The following PTPRD variants were observed in gnomAD, a reference collection of about 807,000 sequenced individuals.
PTPRD encodes the protein receptor-type tyrosine-protein phosphatase delta.
In PTPRD, 34 loss-of-function variants were observed where a neutral mutation model predicts 214.5. The observed-to-expected ratio is 0.16, with a 90% CI of 0.12 to 0.21. PTPRD has a LOEUF of 0.21. PTPRD is among the 10% of genes least tolerant of loss of function. The pLI is 1.00. For synonymous variants in PTPRD, 1,128 were observed against 845.7 expected, an observed-to-expected ratio of 1.33 and a Z score of -5.79; for missense variants, 2,545 against 2,398.7, an observed-to-expected ratio of 1.06 and a Z score of -1.27.
At chr9:8,509,775 T>C (rs191773054) in intron 21 of PTPRD, among the ~76,000 whole-genome samples, 1 of 152,340 alleles carries the variant, frequency 6.6e-6, no homozygotes, top group East Asian at 1.9e-4. Flanking sequence ...TGCTTGTTTC[T>C]ATTAAGAGCC....
chr9:9,745,396 C>A (rs557971251), intron 6 of PTPRD, among the ~76,000 whole-genome samples: 8 of 152,040 alleles, frequency 5.3e-5, no homozygotes, highest in Non-Finnish European at 1.2e-4. Flanking sequence ...ACCAGAGAGG[C>A]AAGTAGCACA....
chr9:8,933,031 T>A (rs1380830925), intron 11 of PTPRD, among the ~76,000 whole-genome samples: 2 of 152,042 alleles, frequency 1.3e-5, no homozygotes, highest in Non-Finnish European at 1.5e-5. Flanking sequence ...GTCTACAGGT[T>A]GCGAAGACCA....
At chr9:9,331,413 T>C (rs2042269704) in intron 9 of PTPRD, among the ~76,000 whole-genome samples, 1 of 152,228 alleles carries the variant, frequency 6.6e-6, no homozygotes, top group South Asian at 2.1e-4. Flanking sequence ...GGCAGGACTA[T>C]GCATAGAGAG....
At chr9:9,536,668 T>C (rs554804564) in intron 8 of PTPRD, among the ~76,000 whole-genome samples, 18 of 152,118 alleles carry the variant, frequency 1.2e-4, no homozygotes, top group African/African-American at 3.6e-4. Flanking sequence ...TGGCATTCTA[T>C]TTTAGTCTAA....
rs1292159525 is a variant in PTPRD at position 9,715,112 on chromosome 9, G to T, written c.-287+19421C>A. Among the ~76,000 whole-genome samples the T allele has an allele frequency of 2.0e-5, 3 of 152,142 alleles. 1 individual carries two copies. The highest frequency in any genetic ancestry group is 2.9e-5 in the Non-Finnish European group (2 of 68,016). On this transcript the variant is annotated intron_variant, in intron 7 of 45. Transcript: ENST00000381196. ...TGGATCCTCGTCCAAATAACTTTGT[G>T]ACTTTGGGCAAATTACTTTATGTCA...
At chr9:8,967,677 T>C (rs2099206529) in intron 11 of PTPRD, among the ~76,000 whole-genome samples, 1 of 152,036 alleles carries the variant, frequency 6.6e-6, no homozygotes, top group South Asian at 2.1e-4. Flanking sequence ...ATGCAAAAAA[T>C]AAAACTGAAT....
At chr9:10,310,127 T>C (rs1389147556) in intron 3 of PTPRD, among the ~76,000 whole-genome samples, 1 of 152,056 alleles carries the variant, frequency 6.6e-6, no homozygotes, top group Non-Finnish European at 1.5e-5. Flanking sequence ...GAAGCCTTTA[T>C]GGAGACTTAA....
chr9:9,462,948 T>A (rs1169179464), intron 8 of PTPRD, among the ~76,000 whole-genome samples: 1 of 152,166 alleles, frequency 6.6e-6, no homozygotes, highest in Non-Finnish European at 1.5e-5. Flanking sequence ...TTGTATAGTT[T>A]AAGGAATTTA....
At chr9:9,561,068 A>G (rs1183646871) in intron 8 of PTPRD, among the ~76,000 whole-genome samples, 4 of 152,196 alleles carry the variant, frequency 2.6e-5, no homozygotes, top group Non-Finnish European at 4.4e-5. Flanking sequence ...AAGCCTGTAC[A>G]GCATTAGCAG....
At chr9:10,431,630 T>C (rs2098679929) in intron 2 of PTPRD, among the ~76,000 whole-genome samples, 2 of 151,942 alleles carry the variant, frequency 1.3e-5, no homozygotes, top group Non-Finnish European at 2.9e-5. Context: ...GCGAAGGACA[T>C]GAACAGACAC....
intron 2 of PTPRD, among the ~76,000 whole-genome samples, chr9:10,542,149 C>G (rs2059251178): frequency 6.6e-6 from 1 of 152,072 alleles, no homozygotes; most frequent in Admixed American, 6.6e-5. Context: ...TAATCAAAAT[C>G]TACTTGCAGT....
rs190816415 is a variant in PTPRD, at chr9:8,570,651, C to T, written c.353-41872G>A. Among the ~76,000 whole-genome samples the T allele has an allele frequency of 5.8e-4, 88 of 152,178 alleles. 1 individual carries two copies. The highest frequency in any genetic ancestry group is 3.9e-3 in the Admixed American group (59 of 15,278). ...GGCTATTTGTCAAAACTTACTTCATCATTTACAGTCTCAGAGTTCTTTTCC... is the reference window on the plus strand; with the variant it reads ...GGCTATTTGTCAAAACTTACTTCATTATTTACAGTCTCAGAGTTCTTTTCC... On this transcript the variant is annotated intron_variant, in intron 14 of 45. Coordinates refer to ENST00000381196, the MANE Select transcript of PTPRD (RefSeq NM_002839.4).
At chr9:9,898,160 A>G (rs1816172391) in intron 5 of PTPRD, among the ~76,000 whole-genome samples, 1 of 152,126 alleles carries the variant, frequency 6.6e-6, no homozygotes, top group Non-Finnish European at 1.5e-5. Flanking sequence ...AGTTTTAAAT[A>G]TGTTTTAGGG....
intron 2 of PTPRD, among the ~76,000 whole-genome samples, chr9:10,488,350 G>C (rs1360973593): frequency 7.3e-6 from 1 of 137,464 alleles, no homozygotes; most frequent in African/African-American, 2.8e-5. Context: ...CTGGGCAACA[G>C]AGTGAGACTC....
intron 10 of PTPRD, among the ~76,000 whole-genome samples, chr9:9,143,789 G>A (rs1484580903): frequency 2.6e-5 from 4 of 152,336 alleles, no homozygotes; most frequent in Non-Finnish European, 4.4e-5. Context: ...TTCTTGGGTA[G>A]AAAATCATTA....
At chr9:8,437,197 C>G (rs533424548) in intron 34 of PTPRD, 44 of 1,523,108 alleles carry the variant, frequency 2.9e-5, no homozygotes, top group Admixed American at 2.6e-4. Flanking sequence ...GGAAAACTAA[C>G]TTGAAGAATG....
intron 5 of PTPRD, among the ~76,000 whole-genome samples, chr9:9,777,467 G>T (rs1319690404): frequency 6.6e-6 from 1 of 152,102 alleles, no homozygotes; most frequent in African/African-American, 2.4e-5. Context: ...GGCCGAGGTA[G>T]GTGGATCACT....
chr9:9,143,201 G>A (rs574932842), intron 10 of PTPRD, among the ~76,000 whole-genome samples: 2 of 152,242 alleles, frequency 1.3e-5, no homozygotes, highest in East Asian at 3.9e-4. Flanking sequence ...CCCTGACAGA[G>A]CAACCATCTC....
intron 12 of PTPRD, among the ~76,000 whole-genome samples, chr9:8,709,634 A>C (rs967549254): frequency 6.6e-6 from 1 of 152,152 alleles, no homozygotes; most frequent in Non-Finnish European, 1.5e-5. Flanking sequence ...ACTTAGCCAA[A>C]TTTAGTCATT....
Sources: gnomAD v4.1 joint callset for allele counts (sites outside exome capture counted in the v4.1 genomes callset) on GRCh38, gnomAD v4.1.1 for gene constraint, MANE v1.5 for transcripts, NCBI Gene and HGNC (gene_info 2026-07-23, HGNC 2026-07-21) for gene names.